The following SMYD3 variants were observed in gnomAD, a reference collection of about 807,000 sequenced individuals.
SMYD3 encodes histone-lysine N-methyltransferase SMYD3.
A neutral mutation model predicts 57.7 loss-of-function variants in SMYD3; 36 were observed. The observed-to-expected ratio is 0.62, with a 90% CI of 0.48 to 0.82. The LOEUF is 0.82. Ranked by LOEUF, SMYD3 falls within the 40% of genes least tolerant of loss-of-function variation. The pLI is 0.00. For missense variants in SMYD3, 515 were observed against 538.8 expected, an observed-to-expected ratio of 0.96 and a Z score of 0.44; for synonymous variants, 211 against 195.0, an observed-to-expected ratio of 1.08 and a Z score of -0.68.
intron 2 of SMYD3, among the ~76,000 whole-genome samples, chr1:246,346,482 G>GA (rs34848506): frequency 0.98 from 149,960 of 152,282 alleles, 73,846 homozygotes; most frequent in East Asian, 1. Flanking sequence ...ATTTATAAAG[G>GA]AAGACGTTTA....
At chr1:246,444,435 G>A (rs1365303684) in intron 1 of SMYD3, among the ~76,000 whole-genome samples, 1 of 152,078 alleles carries the variant, frequency 6.6e-6, no homozygotes. Context: ...CAGAACCTAA[G>A]AATTCTTAAA....
intron 5 of SMYD3, among the ~76,000 whole-genome samples, chr1:245,964,585 TG>T (rs2058092497): frequency 6.6e-6 from 1 of 152,060 alleles, no homozygotes; most frequent in South Asian, 2.1e-4. Context: ...AAGGCTTTAA[TG>T]AAAAAAGGAC....
At chr1:246,481,619 T>TATAC (rs1458769224) in intron 1 of SMYD3, among the ~76,000 whole-genome samples, 2 of 95,544 alleles carry the variant, frequency 2.1e-5, no homozygotes, top group South Asian at 2.8e-4. Flanking sequence ...CACATACATA[T>TATAC]ATACATACAT....
At chr1:246,389,720 T>G (rs1310734896) in intron 1 of SMYD3, among the ~76,000 whole-genome samples, 1 of 73,722 alleles carries the variant, frequency 1.4e-5, no homozygotes. Context: ...CATTCATTCT[T>G]GAAAATCACC....
intron 10 of SMYD3, among the ~76,000 whole-genome samples, chr1:245,853,033 G>A (rs1423241015): frequency 2.0e-5 from 3 of 152,200 alleles, no homozygotes; most frequent in Non-Finnish European, 4.4e-5. Flanking sequence ...TGATTAAGTG[G>A]CTACAAGATT....
chr1:246,125,071 C>CA (rs35080862), intron 5 of SMYD3, among the ~76,000 whole-genome samples: 8,492 of 121,562 alleles, frequency 0.07, 364 homozygotes, highest in African/African-American at 0.093. Context: ...GACTCCGTCT[C>CA]AAAAAAAAAA....
chr1:246,502,824 C>T (rs2068477841), intron 1 of SMYD3, among the ~76,000 whole-genome samples: 2 of 152,154 alleles, frequency 1.3e-5, no homozygotes, highest in South Asian at 4.1e-4. Context: ...AGTCTGTGAT[C>T]CTGACATTCA....
At chr1:246,249,820 GA>G (rs1335033707) in intron 5 of SMYD3, among the ~76,000 whole-genome samples, 2 of 152,110 alleles carry the variant, frequency 1.3e-5, no homozygotes, top group African/African-American at 4.8e-5. Flanking sequence ...CTGTTCCTTA[GA>G]TACAATGTTC....
chr1:246,399,880 T>C (rs763456409), intron 1 of SMYD3, among the ~76,000 whole-genome samples: 12 of 152,330 alleles, frequency 7.9e-5, no homozygotes, highest in South Asian at 2.1e-4. Flanking sequence ...AGCATAGAAA[T>C]TGAGTCTGAT....
At chr1:246,285,123 CT>C (rs1162369089) in intron 5 of SMYD3, among the ~76,000 whole-genome samples, 1 of 152,140 alleles carries the variant, frequency 6.6e-6, no homozygotes, top group Non-Finnish European at 1.5e-5. Flanking sequence ...TCCCTCCACC[CT>C]GTCCCCCAGG....
At position 246,335,350 on chromosome 1, in the gene SMYD3, A is replaced by G. The variant is rs373477344; in HGVS notation, c.336+17T>C. On this transcript the variant is annotated intron_variant, in intron 3 of 11. Transcript: ENST00000490107. ...TTTAACCAAAACCCAGCTATATTTC[A>G]TGAGTTTTATACTCACAAGTTTGAA... is the stretch of plus-strand genomic sequence containing the variant. 1.1e-5 allele frequency: 17 copies of G among 1,605,242 alleles called. No homozygotes were observed. Among genetic ancestry groups the G allele is most frequent in the Admixed American group, 1.7e-5 (1 of 59,804 alleles).
chr1:246,063,886 C>A (rs564646939), intron 5 of SMYD3, among the ~76,000 whole-genome samples: 1 of 152,248 alleles, frequency 6.6e-6, no homozygotes, highest in South Asian at 2.1e-4. Flanking sequence ...GTGATCCACC[C>A]GCTTCAACCT....
At chr1:246,181,911 T>C (rs2062557713) in intron 5 of SMYD3, among the ~76,000 whole-genome samples, 1 of 152,230 alleles carries the variant, frequency 6.6e-6, no homozygotes, top group African/African-American at 2.4e-5. Context: ...TTAATTACAT[T>C]GTACCTACAT....
At chr1:245,904,246 T>C (rs1252044720) in intron 8 of SMYD3, among the ~76,000 whole-genome samples, 1 of 152,166 alleles carries the variant, frequency 6.6e-6, no homozygotes, top group Non-Finnish European at 1.5e-5. Context: ...AAGGTGCTCT[T>C]CCTGCTTTGC....
chr1:246,486,365 A>G (rs545541208), intron 1 of SMYD3, among the ~76,000 whole-genome samples: 23 of 152,318 alleles, frequency 1.5e-4, no homozygotes, highest in Middle Eastern at 3.4e-3. Context: ...TTCCATACCC[A>G]AGTATAGGTG....
intron 10 of SMYD3, among the ~76,000 whole-genome samples, chr1:245,765,223 TAA>T (rs61147984): frequency 3.6e-3 from 405 of 113,476 alleles, no homozygotes; most frequent in South Asian, 0.023. Context: ...CTTTCTCTAT[TAA>T]AAAAAAAAAA....
At chr1:245,995,980 A>G (rs1304965559) in intron 5 of SMYD3, among the ~76,000 whole-genome samples, 1 of 150,910 alleles carries the variant, frequency 6.6e-6, no homozygotes, top group East Asian at 1.9e-4. Context: ...AGATGTATAG[A>G]AAAAAAAATG....
chr1:246,181,392 T>G (rs956156779), intron 5 of SMYD3, among the ~76,000 whole-genome samples: 8 of 152,200 alleles, frequency 5.3e-5, no homozygotes, highest in Admixed American at 5.2e-4. Flanking sequence ...ACAAAACTAA[T>G]GCAAAGCATT....
chr1:245,754,138 C>T (rs1381948954), intron 11 of SMYD3, among the ~76,000 whole-genome samples: 1 of 151,772 alleles, frequency 6.6e-6, no homozygotes, highest in African/African-American at 2.4e-5. Context: ...AGAAAGGGTC[C>T]CCAGAATTGA....
Sources: gnomAD v4.1 joint callset for allele counts (sites outside exome capture counted in the v4.1 genomes callset) on GRCh38, gnomAD v4.1.1 for gene constraint, MANE v1.5 for transcripts, NCBI Gene and HGNC (gene_info 2026-07-23, HGNC 2026-07-21) for gene names.